The following SFT2D1 variants were observed in gnomAD, a reference collection of about 807,000 sequenced individuals.
The protein encoded by SFT2D1 is vesicle transport protein SFT2A.
Under a neutral mutation model 28.1 loss-of-function variants are expected in SFT2D1, and 24 were observed. The ratio of observed to expected loss-of-function variants is 0.85; its 90% CI spans 0.62 to 1.20. The LOEUF is 1.20. Ranked by LOEUF, SFT2D1 falls within the 50% of genes most tolerant of loss-of-function variation. The pLI is 0.00. For missense variants in SFT2D1, 181 were observed against 190.9 expected (o/e 0.95, Z 0.31); for synonymous variants, 82 against 73.7 (o/e 1.11, Z -0.58).
chr6:166,321,395 T>A (rs753686787), intron 7 of SFT2D1, among the ~76,000 whole-genome samples: 38 of 152,298 alleles, frequency 2.5e-4, no homozygotes, highest in African/African-American at 3.8e-4. Context: ...CTTCAGAGCC[T>A]CTTGTATGGG....
At chr6:166,339,882 C>T (rs2103565) in intron 1 of SFT2D1, among the ~76,000 whole-genome samples, 5,756 of 152,304 alleles carry the variant, frequency 0.038, 342 homozygotes, top group African/African-American at 0.13. Flanking sequence ...CCTATTTCCT[C>T]CCACAAACTC....
At chr6:166,341,304 C>T (rs1359464406) in intron 1 of SFT2D1, among the ~76,000 whole-genome samples, 1 of 151,916 alleles carries the variant, frequency 6.6e-6, no homozygotes, top group African/African-American at 2.4e-5. Flanking sequence ...AAATAATTAG[C>T]AGGGCATGGT....
At chr6:166,328,240 T>C in intron 4 of SFT2D1, 36 bp downstream of exon 4, 1 of 1,364,516 alleles carries the variant, frequency 7.3e-7, no homozygotes, top group Non-Finnish European at 1.0e-6. Context: ...CAAAGAATAC[T>C]TCAATAAAAG....
At chr6:166,324,714 A>C in intron 5 of SFT2D1, 119 bp from the exon 6 acceptor site, 1 of 918,658 alleles carries the variant, frequency 1.1e-6, no homozygotes, top group Non-Finnish European at 1.6e-6. Flanking sequence ...TCTTTATTAA[A>C]TTTTAGTGTG....
At chr6:166,331,628 C>T (rs1196162021) in intron 1 of SFT2D1, among the ~76,000 whole-genome samples, 2 of 152,152 alleles carry the variant, frequency 1.3e-5, no homozygotes, top group African/African-American at 2.4e-5. Flanking sequence ...GAAGAATATA[C>T]ACTAAGTATA....
intron 1 of SFT2D1, chr6:166,335,149 CAA>C: frequency 1.6e-6 from 1 of 611,748 alleles, no homozygotes. Flanking sequence ...TTTATCCAGC[CAA>C]AGAGGTCGAA....
intron 1 of SFT2D1, among the ~76,000 whole-genome samples, chr6:166,335,967 C>T (rs1380025278): frequency 1.3e-5 from 2 of 152,196 alleles, no homozygotes; most frequent in African/African-American, 2.4e-5. Flanking sequence ...AGGTTATTTT[C>T]GTTTCTGTTC....
At chr6:166,328,955 A>C (rs1778501091) in intron 3 of SFT2D1, among the ~76,000 whole-genome samples, 2 of 152,346 alleles carry the variant, frequency 1.3e-5, no homozygotes, top group South Asian at 4.1e-4. Flanking sequence ...AATTCTCTGC[A>C]CAGCACCAAT....
chr6:166,337,927 A>G (rs997835976), intron 1 of SFT2D1, among the ~76,000 whole-genome samples: 3 of 152,116 alleles, frequency 2.0e-5, no homozygotes, highest in Admixed American at 6.6e-5. Context: ...AATGGGATCC[A>G]CGCCCTAATA....
intron 7 of SFT2D1, among the ~76,000 whole-genome samples, chr6:166,322,153 G>T (rs929088229): frequency 2.6e-5 from 4 of 152,076 alleles, no homozygotes; most frequent in Non-Finnish European, 4.4e-5. Context: ...AAAGTGCTAG[G>T]ATTACAGGTG....
intron 7 of SFT2D1, among the ~76,000 whole-genome samples, chr6:166,322,594 G>A (rs557066862): frequency 3.9e-4 from 59 of 150,600 alleles, no homozygotes; most frequent in Admixed American, 3.8e-3. Context: ...TTAGGAGGCT[G>A]AGGCAGGGGA....
At chr6:166,336,704 G>A (rs943833848) in intron 1 of SFT2D1, among the ~76,000 whole-genome samples, 4 of 152,056 alleles carry the variant, frequency 2.6e-5, no homozygotes, top group Non-Finnish European at 5.9e-5. Context: ...CATGTAGCTG[G>A]GACCACAGGC....
At position 166,336,727 on chromosome 6, in the gene SFT2D1, G is replaced by A. The variant is rs183897387; in HGVS notation, c.63+5692C>T. 2.8e-4 allele frequency among the ~76,000 whole-genome samples: 42 copies of A among 152,168 alleles called. 1 individual carries two copies. In the South Asian group the frequency reaches 5.6e-3, roughly 20 times the overall value. On this transcript the variant is annotated intron_variant, in intron 1 of 7. Coordinates refer to ENST00000361731, the MANE Select transcript of SFT2D1 (RefSeq NM_145169.3). Reference sequence around the variant, plus strand: ...TGGGACCACAGGCACACACCATCACGCTCAACTAATTTTTTAATTTTTTGT... The same window carrying A: ...TGGGACCACAGGCACACACCATCACACTCAACTAATTTTTTAATTTTTTGT...
chr6:166,325,960 T>C (rs1460152340), intron 5 of SFT2D1, 172 bp downstream of exon 5: 8 of 664,890 alleles, frequency 1.2e-5, no homozygotes, highest in African/African-American at 5.5e-5. Flanking sequence ...GTAGAATCTA[T>C]GGCATTTTTA....
chr6:166,342,189 G>A (rs936722006), intron 1 of SFT2D1, among the ~76,000 whole-genome samples: 10 of 145,080 alleles, frequency 6.9e-5, no homozygotes, highest in African/African-American at 2.5e-4. Flanking sequence ...CAGAAGGCCA[G>A]ATGGGAGAGT....
In SFT2D1 at chr6:166,320,575, C is replaced by T. The variant is rs542851176; in HGVS notation, c.441-319G>A. On this transcript the variant is annotated intron_variant, in intron 7 of 7. Transcript: ENST00000361731. ...TTTTTCTTTTTTTTTCCTTTTGAGA[C>T]AGGTTCTCACTCTGTCTTCCAGGAT... Among the ~76,000 whole-genome samples the T allele has an allele frequency of 5.9e-4, 89 of 151,754 alleles. 2 individuals carry two copies. The South Asian group carries it at 0.017, about 29-fold the overall frequency.
At chr6:166,337,251 A>G (rs1322627299) in intron 1 of SFT2D1, among the ~76,000 whole-genome samples, 9 of 152,202 alleles carry the variant, frequency 5.9e-5, no homozygotes, top group African/African-American at 2.2e-4. Flanking sequence ...CGGGACCCCC[A>G]GCTGGCACAC....
chr6:166,322,910 T>C lies in SFT2D1; in HGVS notation c.411-24A>G, dbSNP rs779180248. The C allele has an allele frequency of 5.0e-6, 8 of 1,600,958 alleles. No individual in the cohort carries two copies. In the East Asian group the frequency reaches 1.6e-4, roughly 31 times the overall value. On this transcript the variant is annotated intron_variant, in intron 6 of 7. Coordinates refer to ENST00000361731, the MANE Select transcript of SFT2D1 (RefSeq NM_145169.3). ...ACCTGCAAGAAATATTCAAGCATGT[T>C]GAATCTTCATCTGAATGATGGTTTT... is the stretch of plus-strand genomic sequence containing the variant.
In SFT2D1 at chr6:166,329,419, T is replaced by G. The variant is rs1778508877; in HGVS notation, c.233+88A>C. On this transcript the variant is annotated intron_variant, in intron 3 of 7. Coordinates refer to ENST00000361731, the MANE Select transcript of SFT2D1 (RefSeq NM_145169.3). The stretch of plus-strand genomic sequence containing the variant: ...GCTGAATTCACAGTATGTACAGAAC[T>G]ACATAAACATCCTACTGGGAAAGTG... The G allele has an allele frequency of 2.7e-6, 3 of 1,094,730 alleles. No individual in the cohort carries two copies. In the Admixed American group the frequency reaches 5.8e-5, roughly 21 times the overall value. 67.8% of individuals were successfully genotyped at this position (1,094,730 alleles called of 1,614,324 possible).
Sources: allele counts gnomAD v4.1 joint callset (sites outside exome capture counted in the v4.1 genomes callset), GRCh38; gene constraint gnomAD v4.1.1; transcripts MANE v1.5; gene names NCBI Gene and HGNC (gene_info 2026-07-23, HGNC 2026-07-21).